EGLN2: variants seen among roughly 807,000 people sequenced by gnomAD.
The protein encoded by EGLN2 is prolyl hydroxylase EGLN2.
A neutral mutation model predicts 38.2 loss-of-function variants in EGLN2; 15 were observed. That is an observed-to-expected ratio of 0.39 (90% CI 0.26 to 0.60). EGLN2 has a LOEUF of 0.60. Among genes scored for constraint, EGLN2 ranks in the 20% least tolerant of loss-of-function variants. EGLN2 has a pLI of 0.50. For missense variants in EGLN2, 492 were observed against 570.4 expected (o/e 0.86, Z 1.40); for synonymous variants, 284 against 237.4 (o/e 1.20, Z -1.81).
In EGLN2 at chr19:40,807,178, C is replaced by T; in HGVS notation, c.1004C>T (p.Pro335Leu). 4 of 1,614,174 alleles carry T rather than the reference C, an allele frequency of 2.5e-6. No individual in the cohort carries two copies. Among genetic ancestry groups the T allele is most frequent in the Non-Finnish European group, 3.4e-6 (4 of 1,180,010 alleles). Residue 335 changes from proline to leucine, a missense_variant, in exon 4 of 6, where the codon CCC becomes CTC. Around this residue, in one of 2 missense-constraint regions of EGLN2, gnomAD observed 114 missense variants for 184.2 expected, o/e 0.62. Transcript: ENST00000303961. ...CTGCAGATCTTCCCTGAGGGCCGGC[C>T]CGTGGTAGCCAACATCGAGCCACTC... ...GLLQIFPEGR[P>L]VVANIEPLFD... is the part of the protein sequence containing the mutation.
At position 40,801,076 on chromosome 19, in the gene EGLN2, G is replaced by A. The variant is rs1344814679; in HGVS notation, c.504G>A (p.Glu168=). Residue 168 remains glutamate, a synonymous_variant, in exon 2 of 6, where the codon GAG becomes GAA. Transcript: ENST00000303961. ...SGEASAGLME[E]ALPSAPERLA... ...AGGCCAGTGCTGGGCTGATGGAGGA[G>A]GCGCTGCCCTCTGCGCCCGAGCGCC... 2 of 1,612,808 alleles carry A rather than the reference G, an allele frequency of 1.2e-6. No homozygotes were observed. The highest frequency in any genetic ancestry group is 1.7e-6 in the Non-Finnish European group (2 of 1,179,898).
intron 4 of EGLN2, 72 bp downstream of exon 4, chr19:40,807,346 G>A (rs184765041): frequency 2.7e-5 from 44 of 1,609,104 alleles, no homozygotes; most frequent in Non-Finnish European, 3.4e-5. Flanking sequence ...GCCTCAGAGT[G>A]ACTAGGGAGC....
chr19:40,800,384 C>G lies in EGLN2; in HGVS notation c.-189C>G. On this transcript the variant is annotated 5_prime_UTR_variant, in exon 2 of 6. Transcript: ENST00000303961. ...CCAAGCCCTTAGGGACCGCAGAGGA[C>G]TTGGGGACCAGCAAGCAACCCCCAG... 1 of 843,414 alleles carries G rather than the reference C, an allele frequency of 1.2e-6. No individual in the cohort carries two copies. The highest frequency in any genetic ancestry group is 1.7e-5 in the African/African-American group (1 of 58,460). 52.2% of individuals were successfully genotyped at this position (843,414 alleles called of 1,614,324 possible).
intron 2 of EGLN2, among the ~76,000 whole-genome samples, chr19:40,802,924 C>G (rs928765114): frequency 2.0e-5 from 3 of 152,272 alleles, no homozygotes; most frequent in Non-Finnish European, 4.4e-5. Flanking sequence ...TGTGGCTTTC[C>G]TCTCAGGCTG....
chr19:40,803,950 C>T (rs2083282206), intron 2 of EGLN2: 2 of 152,146 alleles, frequency 1.3e-5, no homozygotes, highest in Admixed American at 1.3e-4. Flanking sequence ...AGCAAGTTTC[C>T]TGAGGCCTTC....
intron 3 of EGLN2, 76 bp downstream of exon 3, chr19:40,806,750 T>G: frequency 6.4e-7 from 1 of 1,570,956 alleles, no homozygotes; most frequent in Admixed American, 1.7e-5. Context: ...CACTCCATTT[T>G]CCACTCTCAG....
intron 1 of EGLN2, chr19:40,799,857 C>G (rs1284210991): frequency 1.3e-5 from 2 of 152,316 alleles, no homozygotes; most frequent in Admixed American, 1.3e-4. Context: ...CTGGGCCCCT[C>G]GTTCTCTTTG....
Position 40,800,769 on chromosome 19 carries a change from C to T in EGLN2, c.197C>T (p.Ala66Val), listed in dbSNP as rs370486698. 1.9e-6 allele frequency: 3 copies of T among 1,613,176 alleles called. No homozygotes were observed. In the African/African-American group the frequency reaches 4.0e-5, roughly 22 times the overall value. ...TCGGCAGGGAGTGGGACCCCCAGAG[C>T]CACAGCCACCTCTACCACTGCCAGC... Reference protein sequence around the residue: ...EASAGSGTPRATATSTTASPL... With the variant: ...EASAGSGTPRVTATSTTASPL... Residue 66 changes from alanine (A) to valine (V), a missense_variant, in exon 2 of 6, where the codon GCC (alanine) becomes GTC (valine). Ala to Val is a moderately conservative substitution (Grantham distance 64). Around this residue, in one of 2 missense-constraint regions of EGLN2, gnomAD observed 378 missense variants for 386.2 expected, o/e 0.98. Transcript: ENST00000303961.
intron 2 of EGLN2, among the ~76,000 whole-genome samples, chr19:40,802,104 G>A (rs527592457): frequency 7.2e-5 from 11 of 152,180 alleles, no homozygotes; most frequent in African/African-American, 2.4e-4. Flanking sequence ...TGCTCCTGTC[G>A]TCCATCCCTG....
intron 1 of EGLN2, chr19:40,799,506 AG>A (rs1352924807): frequency 1.6e-4 from 8 of 50,852 alleles, no homozygotes; most frequent in African/African-American, 3.2e-4. Flanking sequence ...GGGGGAGGGG[AG>A]GGGGTCCGAG....
rs2083320254 is a variant in EGLN2, at chr19:40,808,225, C to G, written c.*361C>G. ...GACTTGGGGTTGAGGTGAGTCATGG[C>G]CTCTTGCTGGCAATGGGGTGGGAGG... On this transcript the variant is annotated 3_prime_UTR_variant, in exon 6 of 6. Coordinates refer to ENST00000303961, the MANE Select transcript of EGLN2 (RefSeq NM_080732.4). The G allele has an allele frequency of 2.3e-6, 1 of 442,336 alleles. No homozygotes were observed. The highest frequency in any genetic ancestry group is 4.0e-6 in the Non-Finnish European group (1 of 250,608). 27.4% of individuals were successfully genotyped at this position (442,336 alleles called of 1,614,324 possible). A position where few individuals can be genotyped will look rare whatever the true frequency, so the allele number is the denominator to read the frequency against.
chr19:40,807,239 G>A lies in EGLN2; in HGVS notation c.1065G>A (p.Arg355=). 2 of 1,614,194 alleles carry A rather than the reference G, an allele frequency of 1.2e-6. No homozygotes were observed. Among genetic ancestry groups the A allele is most frequent in the Non-Finnish European group, 1.7e-6 (2 of 1,180,016 alleles). Residue 355 remains arginine (R), a synonymous_variant, in exon 4 of 6, where the codon CGG becomes CGA. Coordinates refer to ENST00000303961, the MANE Select transcript of EGLN2 (RefSeq NM_080732.4). The part of the protein sequence containing the change: ...DRLLIFWSDR[R]NPHEVKPAYA... ...TGCTCATTTTCTGGTCTGACCGGCG[G>A]AACCCCCACGAGGTGAAGCCAGCCT...
At chr19:40,802,667 AC>A (rs1396638811) in intron 2 of EGLN2, among the ~76,000 whole-genome samples, 3 of 152,206 alleles carry the variant, frequency 2.0e-5, no homozygotes, top group African/African-American at 7.2e-5. Flanking sequence ...CCAGCACAGG[AC>A]AGTGGTCCAT....
chr19:40,807,313 C>T, intron 4 of EGLN2, 39 bp downstream of exon 4: 1 of 1,613,246 alleles, frequency 6.2e-7, no homozygotes, highest in Non-Finnish European at 8.5e-7. Context: ...CAGGTGCTCC[C>T]CCTGTGACAA....
Position 40,801,004 on chromosome 19 carries a change from A to T in EGLN2, c.432A>T (p.Ala144=). Residue 144 remains alanine (A), a synonymous_variant, in exon 2 of 6, where the codon GCA becomes GCT. Transcript: ENST00000303961. ...RPWARQENQE[A]EREGGMSCSC... ...GGGCCAGGCAAGAGAACCAGGAGGC[A>T]GAGCGGGAGGGTGGCATGAGCTGCA... 6.2e-7 allele frequency: 1 copy of T among 1,613,042 alleles called. No homozygotes were observed. Among genetic ancestry groups the T allele is most frequent in the Non-Finnish European group, 8.5e-7 (1 of 1,179,766 alleles).
intron 2 of EGLN2, among the ~76,000 whole-genome samples, chr19:40,803,436 G>C (rs541898614): frequency 1.6e-4 from 24 of 152,162 alleles, no homozygotes; most frequent in Non-Finnish European, 2.9e-4. Flanking sequence ...GAACATAGGG[G>C]AGGAGCCCTC....
intron 2 of EGLN2, 101 bp downstream of exon 2, chr19:40,801,516 G>C: frequency 1.3e-6 from 2 of 1,494,210 alleles, no homozygotes; most frequent in Middle Eastern, 2.4e-4. Context: ...GCTTCTGGGA[G>C]GTCACAGAAG....
rs767463394 is a variant in EGLN2, at chr19:40,801,268, G to C, written c.696G>C (p.Pro232=). The C allele has an allele frequency of 4.3e-6, 7 of 1,612,978 alleles. No individual in the cohort carries two copies. In the African/African-American group the frequency reaches 9.3e-5, roughly 22 times the overall value. ...TAGTGAGCCAGAGGGCGATCCCGCC[G>C]CGCAGCATCCGTGGGGACCAGATTG... ...GQLVSQRAIP[P]RSIRGDQIAW... is the part of the protein sequence containing the mutation. Residue 232 remains proline (P), a synonymous_variant, in exon 2 of 6, where the codon CCG becomes CCC. Coordinates refer to ENST00000303961, the MANE Select transcript of EGLN2 (RefSeq NM_080732.4).
At chr19:40,801,651 CTTTTTT>C (rs58809253) in intron 2 of EGLN2, among the ~76,000 whole-genome samples, 3 of 102,716 alleles carry the variant, frequency 2.9e-5, no homozygotes, top group East Asian at 3.2e-4. Context: ...CACAGTGGTT[CTTTTTT>C]TTTTTTTTTT....
Sources: gnomAD v4.1 joint callset for allele counts (sites outside exome capture counted in the v4.1 genomes callset) on GRCh38, gnomAD v4.1.1 for gene constraint, gnomAD v4.1.1 regional missense constraint, MANE v1.5 for transcripts, NCBI Gene and HGNC (gene_info 2026-07-23, HGNC 2026-07-21) for gene names.